KYNU: variants seen among roughly 807,000 people sequenced by gnomAD.
The protein encoded by KYNU is L-kynurenine hydrolase.
A neutral mutation model predicts 59.2 loss-of-function variants in KYNU; 54 were observed. That is an observed-to-expected ratio of 0.91 (90% CI 0.73 to 1.14). The LOEUF (loss-of-function observed/expected upper bound fraction) is 1.14. Among genes scored for constraint, KYNU ranks in the 50% most tolerant of loss-of-function variants. The pLI is 0.00. For synonymous variants in KYNU, 177 were observed against 192.0 expected (o/e 0.92, Z 0.65); for missense variants, 567 against 554.4 (o/e 1.02, Z -0.23).
intron 10 of KYNU, among the ~76,000 whole-genome samples, chr2:143,016,946 C>T (rs1052369255): frequency 2.0e-5 from 3 of 152,130 alleles, no homozygotes; most frequent in African/African-American, 7.2e-5. Context: ...CTTATGTCCA[C>T]GTTCCCATCT....
intron 2 of KYNU, among the ~76,000 whole-genome samples, chr2:142,913,723 T>C (rs1224624501): frequency 1.3e-5 from 2 of 152,302 alleles, no homozygotes; most frequent in South Asian, 2.1e-4. Flanking sequence ...TGGCTAAGTG[T>C]TGAATTGAAG....
Position 143,040,650 on chromosome 2 carries a change from G to A in KYNU, c.1264G>A (p.Gly422Arg). 6.2e-7 allele frequency: 1 copy of A among 1,601,482 alleles called. No individual in the cohort carries two copies. Among genetic ancestry groups the A allele is most frequent in the South Asian group, 1.1e-5 (1 of 89,774 alleles). Residue 422 changes from glycine (G) to arginine (R), a missense_variant, in exon 13 of 14, where the codon GGA becomes AGA. Gly to Arg is a moderately radical substitution (Grantham distance 125). Coordinates refer to ENST00000264170, the MANE Select transcript of KYNU (RefSeq NM_003937.3). The stretch of plus-strand genomic sequence containing the variant: ...TGTTTTCCAAGAACTAGAAAAAAGA[G>A]GAGTGGTTGTAAGTATGTCTTGCTT... ...KDVFQELEKR[G>R]VVCDKRNPNG...
chr2:142,935,536 A>G (rs937251941), intron 4 of KYNU, among the ~76,000 whole-genome samples: 1 of 152,164 alleles, frequency 6.6e-6, no homozygotes, highest in African/African-American at 2.4e-5. Flanking sequence ...GTGGAAGAGA[A>G]TAATGTAGAG....
At chr2:142,892,918 G>A (rs1034919517) in intron 2 of KYNU, among the ~76,000 whole-genome samples, 1 of 152,182 alleles carries the variant, frequency 6.6e-6, no homozygotes, top group Non-Finnish European at 1.5e-5. Flanking sequence ...CAAATAATGT[G>A]TGTGCACTCT....
chr2:142,900,531 CTA>C (rs1339477537), intron 2 of KYNU, among the ~76,000 whole-genome samples: 1 of 152,114 alleles, frequency 6.6e-6, no homozygotes, highest in East Asian at 1.9e-4. Flanking sequence ...CTGTTTTTGC[CTA>C]GTTAGCATTT....
intron 2 of KYNU, among the ~76,000 whole-genome samples, chr2:142,904,158 G>A (rs1326497516): frequency 6.6e-6 from 1 of 152,226 alleles, no homozygotes; most frequent in Non-Finnish European, 1.5e-5. Flanking sequence ...ACAGAGTCAG[G>A]TGACAGAGAG....
chr2:142,943,615 T>A (rs1372566161), intron 4 of KYNU, among the ~76,000 whole-genome samples: 1 of 152,218 alleles, frequency 6.6e-6, no homozygotes, highest in Non-Finnish European at 1.5e-5. Context: ...TTATTAAGCT[T>A]ACTTCTCCCT....
intron 2 of KYNU, among the ~76,000 whole-genome samples, chr2:142,902,851 T>A (rs1682151207): frequency 6.6e-6 from 1 of 152,220 alleles, no homozygotes; most frequent in African/African-American, 2.4e-5. Flanking sequence ...CTCTTAACCC[T>A]TGGGGTAAAA....
At chr2:142,986,975 A>AT (rs1685222555) in intron 10 of KYNU, among the ~76,000 whole-genome samples, 2 of 151,598 alleles carry the variant, frequency 1.3e-5, no homozygotes, top group African/African-American at 2.4e-5. Flanking sequence ...TTGTGTCTAA[A>AT]TTTTTTTCAA....
rs555277361 is a variant in KYNU, at chr2:142,934,812, C to T, written c.373+7071C>T. 1.4e-4 allele frequency among the ~76,000 whole-genome samples: 22 copies of T among 152,274 alleles called. 1 individual carries two copies. Among genetic ancestry groups the T allele is most frequent in the Admixed American group, 4.6e-4 (7 of 15,300 alleles). On this transcript the variant is annotated intron_variant, in intron 4 of 13. Transcript: ENST00000264170. ...TGGCCAGCTTCGGAAGGGATGGGGG[C>T]GGTCCTTGTGGGGTCCGCTGACAGT...
intron 2 of KYNU, among the ~76,000 whole-genome samples, chr2:142,908,093 T>C (rs969155037): frequency 6.6e-6 from 1 of 152,240 alleles, no homozygotes; most frequent in Non-Finnish European, 1.5e-5. Context: ...TGTTTGTATA[T>C]GTGTGTGTTT....
intron 7 of KYNU, among the ~76,000 whole-genome samples, chr2:142,958,452 A>C (rs1459645068): frequency 1.3e-5 from 2 of 152,204 alleles, no homozygotes; most frequent in African/African-American, 4.8e-5. Flanking sequence ...ATACAGAATA[A>C]ATTTTAGGTT....
rs759246240 is a variant in KYNU, at chr2:143,042,197, CA to C, written c.*28del. The C allele has an allele frequency of 6.2e-7, 1 of 1,602,066 alleles. No individual in the cohort carries two copies. Among genetic ancestry groups the C allele is most frequent in the South Asian group, 1.1e-5 (1 of 90,816 alleles). ...GCAGTGTTTTCTAGAACAACTTAAG[CA>C]AATTATACTGAAAGCTGCTGTGGTT... On this transcript the variant is annotated 3_prime_UTR_variant, in exon 14 of 14. Transcript: ENST00000264170.
intron 2 of KYNU, among the ~76,000 whole-genome samples, chr2:142,899,661 C>G (rs1682005144): frequency 6.6e-6 from 1 of 152,192 alleles, no homozygotes; most frequent in African/African-American, 2.4e-5. Context: ...GGAGGCTGTC[C>G]AGGGGCCCAC....
At chr2:142,881,739 T>C (rs377675890) in intron 1 of KYNU, among the ~76,000 whole-genome samples, 5 of 152,238 alleles carry the variant, frequency 3.3e-5, no homozygotes, top group South Asian at 2.1e-4. Context: ...TGAAACTTAA[T>C]ATATCCTAAA....
At chr2:142,903,678 G>A (rs945055056) in intron 2 of KYNU, among the ~76,000 whole-genome samples, 17 of 152,118 alleles carry the variant, frequency 1.1e-4, no homozygotes, top group African/African-American at 3.1e-4. Context: ...ATGGGCTGGC[G>A]CTTGCCCCAG....
At chr2:143,013,294 TTCTC>T (rs773447110) in intron 10 of KYNU, among the ~76,000 whole-genome samples, 1 of 133,250 alleles carries the variant, frequency 7.5e-6, no homozygotes, top group Non-Finnish European at 1.6e-5. Flanking sequence ...CTCTGTCTCT[TTCTC>T]TGTGTGTGTG....
chr2:143,039,567 C>T (rs1242891437), intron 12 of KYNU, among the ~76,000 whole-genome samples: 2 of 152,054 alleles, frequency 1.3e-5, no homozygotes, highest in Admixed American at 6.6e-5. Flanking sequence ...TGCTATTTCT[C>T]ATGGCCCAAT....
At chr2:142,989,724 AG>A (rs1180823145) in intron 10 of KYNU, 3 of 156,708 alleles carry the variant, frequency 1.9e-5, no homozygotes, top group African/African-American at 7.2e-5. Context: ...GGGCATTCTT[AG>A]TGCTTGGTTA....
Sources: gnomAD v4.1 joint callset for allele counts (sites outside exome capture counted in the v4.1 genomes callset) on GRCh38, gnomAD v4.1.1 for gene constraint, MANE v1.5 for transcripts, NCBI Gene and HGNC (gene_info 2026-07-23, HGNC 2026-07-21) for gene names.